The following CORO1C variants were observed in gnomAD, a reference collection of about 807,000 sequenced individuals.
CORO1C encodes coronin-1C.
A neutral mutation model predicts 51.2 loss-of-function variants in CORO1C; 14 were observed. That is an observed-to-expected ratio of 0.27 (90% CI 0.18 to 0.43). The LOEUF (loss-of-function observed/expected upper bound fraction) is 0.43. Among genes scored for constraint, CORO1C ranks in the 20% least tolerant of loss-of-function variants. CORO1C has a pLI of 1.00. For missense variants in CORO1C, 417 were observed against 607.8 expected (o/e 0.69, Z 3.30); for synonymous variants, 181 against 210.5 (o/e 0.86, Z 1.21).
intron 1 of CORO1C, among the ~76,000 whole-genome samples, chr12:108,725,730 G>A (rs984026453): frequency 6.6e-5 from 10 of 152,154 alleles, no homozygotes; most frequent in Non-Finnish European, 1.0e-4. Context: ...AAGCTTTAAC[G>A]AACACACAAA....
At chr12:108,688,387 G>T (rs969168403) in intron 2 of CORO1C, among the ~76,000 whole-genome samples, 1 of 152,178 alleles carries the variant, frequency 6.6e-6, no homozygotes, top group Admixed American at 6.5e-5. Flanking sequence ...CTGTGCTGGG[G>T]TGTGTTTTTA....
intron 2 of CORO1C, among the ~76,000 whole-genome samples, chr12:108,682,405 GAACA>G (rs2034154356): frequency 1.3e-5 from 2 of 152,142 alleles, no homozygotes; most frequent in African/African-American, 2.4e-5. Flanking sequence ...GTTAATACCA[GAACA>G]AACAGACTTT....
intron 2 of CORO1C, among the ~76,000 whole-genome samples, chr12:108,692,965 T>C (rs1006071142): frequency 2.0e-5 from 3 of 151,978 alleles, no homozygotes; most frequent in African/African-American, 7.3e-5. Context: ...GCCCAGCTAA[T>C]TTTTGTATTT....
At position 108,693,867 on chromosome 12, in the gene CORO1C, C is replaced by T. The variant is rs79522055; in HGVS notation, c.195+7257G>A. ...GGAAAAAAAAAAACCTGAATTCAAA[C>T]CGAACCTTCTCTGTGATGTCTTCCT... On this transcript the variant is annotated intron_variant, in intron 2 of 10. Transcript: ENST00000261401. Among the ~76,000 whole-genome samples the T allele has an allele frequency of 7.7e-3, 1,178 of 152,266 alleles. 10 individuals carry two copies. Among genetic ancestry groups the T allele is most frequent in the Non-Finnish European group, 0.012 (812 of 68,014 alleles).
At chr12:108,709,936 G>A (rs1565934658) in intron 1 of CORO1C, among the ~76,000 whole-genome samples, 1 of 152,206 alleles carries the variant, frequency 6.6e-6, no homozygotes, top group African/African-American at 2.4e-5. Flanking sequence ...TAAAGAGGAA[G>A]ACGATGTAGC....
intron 8 of CORO1C, 81 bp from the exon 9 acceptor site, chr12:108,649,101 A>G (rs991940259): frequency 1.4e-5 from 21 of 1,508,714 alleles, no homozygotes; most frequent in Middle Eastern, 3.8e-4. Flanking sequence ...GTTTTCTACA[A>G]TGCTGTCTGA....
At chr12:108,706,313 A>G (rs1420650042) in intron 1 of CORO1C, among the ~76,000 whole-genome samples, 1 of 152,184 alleles carries the variant, frequency 6.6e-6, no homozygotes, top group Non-Finnish European at 1.5e-5. Context: ...CCATGAAAAT[A>G]CCACAGCTAA....
chr12:108,652,041 GA>G lies in CORO1C; in HGVS notation c.1001+230del, dbSNP rs201573103. On this transcript the variant is annotated intron_variant, in intron 8 of 10. Coordinates refer to ENST00000261401, the MANE Select transcript of CORO1C (RefSeq NM_014325.4). The stretch of plus-strand genomic sequence containing the variant: ...CTCCGTCTCAAAAAAAAAAAAGTGA[GA>G]TTTTTTTCTTTTCTTTTTTTTTTTT... 4.5e-3 allele frequency: 1,026 copies of G among 227,910 alleles called. 19 individuals are homozygous for G. Among genetic ancestry groups the G allele is most frequent in the African/African-American group, 0.029 (956 of 33,228 alleles). 14.1% of individuals were successfully genotyped at this position (227,910 alleles called of 1,614,324 possible). A position where few individuals can be genotyped will look rare whatever the true frequency, so the allele number is the denominator to read the frequency against.
At chr12:108,671,308 G>A (rs184005781) in intron 3 of CORO1C, among the ~76,000 whole-genome samples, 2 of 152,118 alleles carry the variant, frequency 1.3e-5, no homozygotes, top group Admixed American at 1.3e-4. Flanking sequence ...CTGGGTGACA[G>A]AGCAAGACCT....
intron 3 of CORO1C, among the ~76,000 whole-genome samples, chr12:108,668,071 C>T (rs1413372727): frequency 1.3e-5 from 2 of 152,162 alleles, no homozygotes; most frequent in African/African-American, 4.8e-5. Flanking sequence ...GGTTACACCC[C>T]CAAAAGACCC....
At chr12:108,706,987 G>T (rs2035048882) in intron 1 of CORO1C, among the ~76,000 whole-genome samples, 1 of 152,008 alleles carries the variant, frequency 6.6e-6, no homozygotes, top group East Asian at 1.9e-4. Flanking sequence ...ACTTAATCAA[G>T]GAGATGAAAG....
intron 3 of CORO1C, 79 bp downstream of exon 3, chr12:108,678,193 C>T (rs902488186): frequency 1.5e-5 from 21 of 1,375,008 alleles, no homozygotes; most frequent in Non-Finnish European, 1.5e-5. Flanking sequence ...TATACATACA[C>T]ACACACCCAC....
intron 2 of CORO1C, among the ~76,000 whole-genome samples, chr12:108,681,767 A>G (rs1003236709): frequency 3.3e-5 from 5 of 152,218 alleles, no homozygotes; most frequent in African/African-American, 1.2e-4. Context: ...TTAAGGACTC[A>G]TTTCAGGAAA....
At chr12:108,724,152 GCAA>G (rs957464937) in intron 1 of CORO1C, among the ~76,000 whole-genome samples, 6 of 152,178 alleles carry the variant, frequency 3.9e-5, no homozygotes, top group East Asian at 3.9e-4. Context: ...GTGGGAAAAA[GCAA>G]CAACAACAAC....
At chr12:108,674,300 C>T (rs2033823390) in intron 3 of CORO1C, among the ~76,000 whole-genome samples, 1 of 152,172 alleles carries the variant, frequency 6.6e-6, no homozygotes, top group Non-Finnish European at 1.5e-5. Flanking sequence ...CGGTGGCTCA[C>T]ACCTTTGGGA....
At chr12:108,653,283 GT>G (rs1420596252) in intron 7 of CORO1C, among the ~76,000 whole-genome samples, 1 of 152,148 alleles carries the variant, frequency 6.6e-6, no homozygotes, top group African/African-American at 2.4e-5. Flanking sequence ...TGCTCATTTT[GT>G]TTGTTTTAAT....
Position 108,652,354 on chromosome 12 carries a change from T to C in CORO1C, c.919A>G (p.Thr307Ala). ...DESPYVHYLN[T>A]FSSKEPQRGM... ...CTCTGAGGCTCCTTGCTGCTGAATG[T>C]GTTGAGGTAGTGGACGTACGGGGAT... Residue 307 changes from threonine (T) to alanine (A), a missense_variant, in exon 8 of 11, where the codon ACA (threonine) becomes GCA (alanine). Transcript: ENST00000261401. 1.2e-6 allele frequency: 2 copies of C among 1,613,876 alleles called. No individual in the cohort carries two copies. Among genetic ancestry groups the C allele is most frequent in the Non-Finnish European group, 1.7e-6 (2 of 1,179,766 alleles).
intron 1 of CORO1C, chr12:108,730,199 T>G (rs1202735729): frequency 6.6e-6 from 1 of 152,216 alleles, no homozygotes; most frequent in East Asian, 1.9e-4. Context: ...AATCCCACGT[T>G]TGCAACATGT....
chr12:108,728,291 T>C (rs777671951), intron 1 of CORO1C, among the ~76,000 whole-genome samples: 10 of 151,464 alleles, frequency 6.6e-5, no homozygotes, highest in Non-Finnish European at 1.3e-4. Flanking sequence ...AACTGATGAA[T>C]GGATAAACAA....
Sources: allele counts gnomAD v4.1 joint callset (sites outside exome capture counted in the v4.1 genomes callset), GRCh38; gene constraint gnomAD v4.1.1; transcripts MANE v1.5; gene names NCBI Gene and HGNC (gene_info 2026-07-23, HGNC 2026-07-21).